Variants in ECHDC1 observed in about 807,000 individuals in gnomAD.
ECHDC1 encodes the protein ethylmalonyl-CoA decarboxylase 1, also known as ethylmalonyl-CoA decarboxylase.
In ECHDC1, 29 loss-of-function variants were observed where a neutral mutation model predicts 29.7. The ratio of observed to expected loss-of-function variants is 0.98; its 90% CI spans 0.73 to 1.33. ECHDC1 has a LOEUF of 1.33. Among genes scored for constraint, ECHDC1 ranks in the 40% most tolerant of loss-of-function variants. The pLI, the probability that ECHDC1 is intolerant of heterozygous loss-of-function variation, is 0.00. For missense variants in ECHDC1, 328 were observed against 350.0 expected (o/e 0.94, Z 0.50); for synonymous variants, 126 against 123.1 (o/e 1.02, Z -0.15).
intron 1 of ECHDC1, among the ~76,000 whole-genome samples, chr6:127,335,840 T>G (rs1263324278): frequency 4.6e-5 from 7 of 152,116 alleles, no homozygotes; most frequent in Non-Finnish European, 1.0e-4. Flanking sequence ...TCTTCATCTA[T>G]TGGCAATTCC....
intron 5 of ECHDC1, among the ~76,000 whole-genome samples, chr6:127,299,948 C>T (rs1204909911): frequency 6.6e-6 from 1 of 152,118 alleles, no homozygotes; most frequent in Non-Finnish European, 1.5e-5. Flanking sequence ...AATACAGTAA[C>T]AGGCTTTACA....
intron 1 of ECHDC1, chr6:127,342,505 T>C: frequency 2.6e-6 from 2 of 772,054 alleles, no homozygotes; most frequent in East Asian, 5.7e-5. Flanking sequence ...ACTGCGCTGC[T>C]CCCTCCCCTC....
chr6:127,313,676 TA>T (rs1562317703), intron 5 of ECHDC1: 1 of 433,262 alleles, frequency 2.3e-6, no homozygotes, highest in Non-Finnish European at 4.6e-6. Context: ...AATGAATTTT[TA>T]AAAAAATGGC....
At position 127,326,991 on chromosome 6, in the gene ECHDC1, A is replaced by G. The variant is rs1459137133; in HGVS notation, c.363+11T>C. The G allele has an allele frequency of 4.3e-6, 7 of 1,611,104 alleles. No homozygotes were observed. The South Asian group carries it at 6.6e-5, about 15-fold the overall frequency. On this transcript the variant is annotated intron_variant, in intron 3 of 5. Transcript: ENST00000454859. The stretch of plus-strand genomic sequence containing the variant: ...ATGTAGAATCAAATGCATAATTCAT[A>G]TAACACTTGCCTCTGGAGTTCCTAG...
chr6:127,342,284 C>T, intron 1 of ECHDC1: 1 of 1,467,198 alleles, frequency 6.8e-7, no homozygotes, highest in South Asian at 1.3e-5. Context: ...ATTCTTAAGA[C>T]TAAACAGGGG....
Position 127,327,053 on chromosome 6 carries a change from A to T in ECHDC1, c.312T>A (p.Thr104=). Residue 104 remains threonine, a synonymous_variant, in exon 3 of 6, where the codon ACT becomes ACA. Transcript: ENST00000454859. ...CATTCAGATCAGATCCTGAAGAGAAAGTATTTTTTGCCCCACGGACAATGA... is the reference window on the plus strand; with the variant it reads ...CATTCAGATCAGATCCTGAAGAGAATGTATTTTTTGCCCCACGGACAATGA... ...KGLIVRGAKN[T]FSSGSDLNAV... is the part of the protein sequence containing the mutation. 6.2e-7 allele frequency: 1 copy of T among 1,614,126 alleles called. No individual in the cohort carries two copies. The highest frequency in any genetic ancestry group is 8.5e-7 in the Non-Finnish European group (1 of 1,180,008).
chr6:127,298,658 A>G (rs1426040976), intron 5 of ECHDC1, among the ~76,000 whole-genome samples: 2 of 152,202 alleles, frequency 1.3e-5, no homozygotes, highest in Non-Finnish European at 2.9e-5. Flanking sequence ...TGATCCCATA[A>G]GATTATAATG....
intron 1 of ECHDC1, chr6:127,342,648 C>CAACT: frequency 5.0e-6 from 2 of 401,152 alleles, no homozygotes; most frequent in Non-Finnish European, 9.0e-6. Context: ...CCTAGAGCAA[C>CAACT]AACTGCTATA....
intron 5 of ECHDC1, among the ~76,000 whole-genome samples, chr6:127,295,098 G>A (rs1018839854): frequency 2.6e-5 from 4 of 151,812 alleles, no homozygotes; most frequent in African/African-American, 4.8e-5. Flanking sequence ...ACAGGTGCCC[G>A]CCACCAAGCC....
At chr6:127,305,126 A>C (rs1781346534) in intron 5 of ECHDC1, among the ~76,000 whole-genome samples, 1 of 152,174 alleles carries the variant, frequency 6.6e-6, no homozygotes, top group African/African-American at 2.4e-5. Flanking sequence ...TAAACTTCCA[A>C]AGGTCAAGGA....
chr6:127,289,874 T>A lies in ECHDC1; in HGVS notation c.901A>T (p.Lys301Ter), dbSNP rs1469075038. The A allele has an allele frequency of 6.2e-7, 1 of 1,605,076 alleles. No homozygotes were observed. The highest frequency in any genetic ancestry group is 1.1e-5 in the South Asian group (1 of 90,230). The change falls in exon 6 of 6, where the codon AAA (lysine) becomes TAA (stop). Residue 301 changes from lysine to a stop codon, truncating the protein, a stop_gained. Coordinates refer to ENST00000454859, the MANE Select transcript of ECHDC1 (RefSeq NM_001002030.2). LOFTEE classifies it high-confidence loss of function. ...ACATCCACACGAAAAACCAATTATT[T>A]ATTAAATTTTCCTTTCTTAGCAATA... ...EAIAKKGKFN[K>*]
chr6:127,330,081 G>A (rs1457328030), intron 2 of ECHDC1, among the ~76,000 whole-genome samples: 14 of 152,182 alleles, frequency 9.2e-5, no homozygotes, highest in Admixed American at 7.9e-4. Flanking sequence ...CTGAAAAGGA[G>A]AGATTACTAA....
chr6:127,342,295 C>T (rs1785020100), intron 1 of ECHDC1: 2 of 1,505,094 alleles, frequency 1.3e-6, no homozygotes, highest in African/African-American at 1.4e-5. Flanking sequence ...TAAACAGGGG[C>T]TTAAGAATCT....
At chr6:127,341,423 C>T (rs780164566) in intron 1 of ECHDC1, 1 of 152,164 alleles carries the variant, frequency 6.6e-6, no homozygotes, top group African/African-American at 2.4e-5. Flanking sequence ...GTGAACAAAG[C>T]TTAAGATTCA....
intron 5 of ECHDC1, among the ~76,000 whole-genome samples, chr6:127,310,705 T>C (rs775315275): frequency 2.0e-5 from 3 of 152,258 alleles, no homozygotes; most frequent in Non-Finnish European, 4.4e-5. Context: ...CATAAATTTA[T>C]ATTTGATAAA....
At chr6:127,308,297 AC>A (rs1180788380) in intron 5 of ECHDC1, among the ~76,000 whole-genome samples, 2 of 152,300 alleles carry the variant, frequency 1.3e-5, no homozygotes, top group East Asian at 3.9e-4. Context: ...AGATCATTCA[AC>A]ATGACCAAGT....
In ECHDC1 at chr6:127,288,807, AAAAGT is replaced by A. The variant is rs1209910580; in HGVS notation, c.*1057_*1061del. ...AGTAATCTAGAGTTTACCTCTGAAA[AAAAGT>A]AATGTGAGTCTGTCTAACCATATTT... On this transcript the variant is annotated 3_prime_UTR_variant, in exon 6 of 6. Transcript: ENST00000454859. 6.6e-6 allele frequency: 1 copy of A among 152,056 alleles called. No individual in the cohort carries two copies. The highest frequency in any genetic ancestry group is 1.5e-5 in the Non-Finnish European group (1 of 67,964). 9.4% of individuals were successfully genotyped at this position (152,056 alleles called of 1,614,324 possible). A position where few individuals can be genotyped will look rare whatever the true frequency, so the allele number is the denominator to read the frequency against.
At chr6:127,302,284 A>G (rs1781112456) in intron 5 of ECHDC1, among the ~76,000 whole-genome samples, 1 of 152,220 alleles carries the variant, frequency 6.6e-6, no homozygotes, top group Non-Finnish European at 1.5e-5. Context: ...ACCGGAATCT[A>G]TGTTAGAGGG....
chr6:127,320,265 C>T (rs941409101), intron 3 of ECHDC1, among the ~76,000 whole-genome samples: 2 of 152,190 alleles, frequency 1.3e-5, no homozygotes, highest in Non-Finnish European at 2.9e-5. Context: ...GATCTGCCCA[C>T]CTCGGCCTCC....
Sources: gnomAD v4.1 joint callset for allele counts (sites outside exome capture counted in the v4.1 genomes callset) on GRCh38, gnomAD v4.1.1 for gene constraint, MANE v1.5 for transcripts, NCBI Gene and HGNC (gene_info 2026-07-23, HGNC 2026-07-21) for gene names.